Variants in PPP2CB observed in about 807,000 individuals in gnomAD.
PPP2CB encodes the protein protein phosphatase 2 catalytic subunit beta.
In PPP2CB, 18 loss-of-function variants were observed where a neutral mutation model predicts 39.1. The ratio of observed to expected loss-of-function variants is 0.46; its 90% CI spans 0.32 to 0.68. The LOEUF is 0.68. PPP2CB is among the 30% of genes least tolerant of loss of function. The probability of loss-of-function intolerance (pLI) is 0.04; values close to 1 mark genes in which losing one functional copy is unlikely to be tolerated. For synonymous variants in PPP2CB, 129 were observed against 133.8 expected (o/e 0.96, Z 0.25); for missense variants, 226 against 396.9 (o/e 0.57, Z 3.66).
chr8:30,795,731 T>C (rs1806512141), intron 3 of PPP2CB, among the ~76,000 whole-genome samples: 1 of 152,224 alleles, frequency 6.6e-6, no homozygotes, highest in Non-Finnish European at 1.5e-5. Context: ...GTTGTTTACT[T>C]ATATTGGACG....
rs141333914 is a variant in PPP2CB, at chr8:30,796,393, T to C, written c.486+1188A>G. Among the ~76,000 whole-genome samples, 5 of 152,316 alleles carry C rather than the reference T, an allele frequency of 3.3e-5. No individual in the cohort carries two copies. The East Asian group carries it at 7.7e-4, about 23-fold the overall frequency. Reference sequence around the variant, plus strand: ...ATATGTTTTATATTTATTTATTTTATTTTTTGAGATGGAGTCTCACTTTGT... The same window carrying C: ...ATATGTTTTATATTTATTTATTTTACTTTTTGAGATGGAGTCTCACTTTGT... On this transcript the variant is annotated intron_variant, in intron 3 of 6. Coordinates refer to ENST00000221138, the MANE Select transcript of PPP2CB (RefSeq NM_001009552.2).
intron 1 of PPP2CB, among the ~76,000 whole-genome samples, chr8:30,806,849 T>C (rs776102380): frequency 3.9e-5 from 6 of 152,234 alleles, no homozygotes; most frequent in Non-Finnish European, 5.9e-5. Flanking sequence ...CTTCACTTTA[T>C]CTACTTAGGT....
At chr8:30,792,620 T>G (rs958926240) in intron 5 of PPP2CB, among the ~76,000 whole-genome samples, 12 of 132,370 alleles carry the variant, frequency 9.1e-5, no homozygotes, top group African/African-American at 3.3e-4. Flanking sequence ...ACTTTTTGAC[T>G]TTTTTTTTTT....
chr8:30,807,531 C>A (rs890748161), intron 1 of PPP2CB, among the ~76,000 whole-genome samples: 7 of 152,160 alleles, frequency 4.6e-5, no homozygotes, highest in African/African-American at 1.2e-4. Flanking sequence ...ACACAAGCCT[C>A]GACATTTTTC....
chr8:30,798,417 T>A (rs1806560309), intron 2 of PPP2CB, among the ~76,000 whole-genome samples: 1 of 152,218 alleles, frequency 6.6e-6, no homozygotes. Context: ...TAAGCATCCG[T>A]TATGTGTCTA....
intron 1 of PPP2CB, among the ~76,000 whole-genome samples, chr8:30,807,512 TA>T (rs1469057887): frequency 6.6e-6 from 1 of 152,248 alleles, no homozygotes; most frequent in East Asian, 1.9e-4. Flanking sequence ...TTTACATATT[TA>T]TACTTCTACA....
chr8:30,810,142 A>C (rs1586129483), intron 1 of PPP2CB: 1 of 152,226 alleles, frequency 6.6e-6, no homozygotes, highest in African/African-American at 2.4e-5. Context: ...TCTTCTCTAG[A>C]AGTTCATCTT....
At chr8:30,791,119 G>A in intron 6 of PPP2CB, 78 bp downstream of exon 6, 1 of 990,890 alleles carries the variant, frequency 1.0e-6, no homozygotes, top group African/African-American at 1.7e-5. Flanking sequence ...TCCAATTTCA[G>A]AAACAGAAAT....
intron 2 of PPP2CB, among the ~76,000 whole-genome samples, chr8:30,798,905 G>A (rs1030696469): frequency 1.3e-5 from 2 of 152,162 alleles, no homozygotes; most frequent in African/African-American, 2.4e-5. Flanking sequence ...GGATAACCTC[G>A]TGGGGGAAAT....
At position 30,797,731 on chromosome 8, in the gene PPP2CB, T is replaced by A; in HGVS notation, c.336A>T (p.Thr112=). The change falls in exon 3 of 7, where the codon ACA becomes ACT. Residue 112 remains threonine (T), a synonymous_variant. Coordinates refer to ENST00000221138, the MANE Select transcript of PPP2CB (RefSeq NM_001009552.2). ...GGCTTTCGTGATTTCCTCTCAATAT[T>A]GTAATGCGTTCTGGATAACGCACCT... ...ALKVRYPERI[T]ILRGNHESRQ... The A allele has an allele frequency of 6.2e-7, 1 of 1,613,970 alleles. No homozygotes were observed. Among genetic ancestry groups the A allele is most frequent in the Non-Finnish European group, 8.5e-7 (1 of 1,179,944 alleles).
In PPP2CB at chr8:30,786,103, G is replaced by A. The variant is rs976178629; in HGVS notation, c.*132C>T. 1.1e-5 allele frequency: 9 copies of A among 809,932 alleles called. No homozygotes were observed. Among genetic ancestry groups the A allele is most frequent in the Middle Eastern group, 2.5e-4 (1 of 3,968 alleles). The allele number at this position is 809,932 out of a possible 1,614,324, so 50.2% of individuals were successfully genotyped here. A position where few individuals can be genotyped will look rare whatever the true frequency, so the allele number is the denominator to read the frequency against. ...GTATGGCACATTTGGTCCATGATGT[G>A]GTTTAATGCCAAGACAGATCCCAAT... On this transcript the variant is annotated 3_prime_UTR_variant, in exon 7 of 7. Coordinates refer to ENST00000221138, the MANE Select transcript of PPP2CB (RefSeq NM_001009552.2).
chr8:30,810,072 C>T (rs1166991453), intron 1 of PPP2CB: 1 of 152,192 alleles, frequency 6.6e-6, no homozygotes, highest in African/African-American at 2.4e-5. Context: ...CAGAAAGCTT[C>T]CTCAAGTGAT....
At chr8:30,808,350 C>A (rs1015508673) in intron 1 of PPP2CB, among the ~76,000 whole-genome samples, 3 of 152,052 alleles carry the variant, frequency 2.0e-5, no homozygotes, top group Non-Finnish European at 4.4e-5. Flanking sequence ...CCGCCCACCT[C>A]GACCTCCCAA....
chr8:30,799,880 C>T (rs1033181428), intron 1 of PPP2CB, 125 bp from the exon 2 acceptor site: 21 of 687,680 alleles, frequency 3.1e-5, no homozygotes, highest in Admixed American at 8.5e-5. Context: ...AACCAAACCA[C>T]GAGATAACAC....
At chr8:30,788,925 C>T (rs1806385948) in intron 6 of PPP2CB, among the ~76,000 whole-genome samples, 1 of 152,166 alleles carries the variant, frequency 6.6e-6, no homozygotes, top group Non-Finnish European at 1.5e-5. Flanking sequence ...GAATTCATGT[C>T]CTTGGGGACT....
chr8:30,793,754 CTGG>C, intron 5 of PPP2CB, 160 bp downstream of exon 5: 2 of 680,114 alleles, frequency 2.9e-6, no homozygotes, highest in East Asian at 5.9e-5. Flanking sequence ...TAATTCTGCT[CTGG>C]TCTACTAGTG....
chr8:30,799,871 A>C, intron 1 of PPP2CB, 116 bp from the exon 2 acceptor site: 1 of 770,722 alleles, frequency 1.3e-6, no homozygotes, highest in Non-Finnish European at 2.1e-6. Context: ...GTATGTGAAA[A>C]CCAAACCACG....
At chr8:30,791,728 T>G (rs1296386554) in intron 5 of PPP2CB, among the ~76,000 whole-genome samples, 1 of 152,058 alleles carries the variant, frequency 6.6e-6, no homozygotes, top group East Asian at 1.9e-4. Context: ...TCATCAATAA[T>G]CTCTTTATTT....
chr8:30,796,657 G>A (rs1283740846), intron 3 of PPP2CB, among the ~76,000 whole-genome samples: 2 of 152,144 alleles, frequency 1.3e-5, no homozygotes, highest in East Asian at 1.9e-4. Context: ...CTAAAGTGCT[G>A]GGATTACAGG....
Sources: gnomAD v4.1 joint callset for allele counts (sites outside exome capture counted in the v4.1 genomes callset) on GRCh38, gnomAD v4.1.1 for gene constraint, MANE v1.5 for transcripts, NCBI Gene and HGNC (gene_info 2026-07-23, HGNC 2026-07-21) for gene names.